The following MANEA variants were observed in gnomAD, a reference collection of about 807,000 sequenced individuals.
The protein encoded by MANEA is glycoprotein endo-alpha-1,2-mannosidase.
A neutral mutation model predicts 36.8 loss-of-function variants in MANEA; 25 were observed. The ratio of observed to expected loss-of-function variants is 0.68; its 90% CI spans 0.50 to 0.95. The LOEUF (loss-of-function observed/expected upper bound fraction) is 0.95, where lower values mean the gene tolerates loss of function less well. Ranked by LOEUF, MANEA falls within the 40% of genes least tolerant of loss-of-function variation. The pLI is 0.00. For missense variants in MANEA, 565 were observed against 558.8 expected, an observed-to-expected ratio of 1.01 and a Z score of -0.11; for synonymous variants, 198 against 188.5, an observed-to-expected ratio of 1.05 and a Z score of -0.41.
At chr6:95,598,448 T>C (rs1769524084) in intron 3 of MANEA, among the ~76,000 whole-genome samples, 1 of 152,150 alleles carries the variant, frequency 6.6e-6, no homozygotes, top group Admixed American at 6.5e-5. Flanking sequence ...CAGACCTCAG[T>C]TCTTTGCAGC....
rs774122740 is a variant in MANEA at position 95,604,917 on chromosome 6, A to G, written c.731+14A>G. 4.2e-6 allele frequency: 4 copies of G among 951,024 alleles called. No homozygotes were observed. The highest frequency in any genetic ancestry group is 5.5e-5 in the Admixed American group (2 of 36,068). 58.9% of individuals were successfully genotyped at this position (951,024 alleles called of 1,614,324 possible). ...TATTATAGACAAGTGAGTTTCTTCAATATTTATAAATATTGTTATATTATC... is the reference window on the plus strand; with the variant it reads ...TATTATAGACAAGTGAGTTTCTTCAGTATTTATAAATATTGTTATATTATC... On this transcript the variant is annotated intron_variant, in intron 4 of 4. Transcript: ENST00000358812.
Position 95,607,800 on chromosome 6 carries a change from T to C in MANEA, c.*1395T>C, listed in dbSNP as rs1441325752. 1 of 151,694 alleles carries C rather than the reference T, an allele frequency of 6.6e-6. No individual in the cohort carries two copies. The highest frequency in any genetic ancestry group is 1.5e-5 in the Non-Finnish European group (1 of 67,734). The allele number at this position is 151,694 out of a possible 1,614,324, so 9.4% of individuals were successfully genotyped here. On this transcript the variant is annotated 3_prime_UTR_variant, in exon 5 of 5. Coordinates refer to ENST00000358812, the MANE Select transcript of MANEA (RefSeq NM_024641.4). ...TATATATCCTATTACATAAATGTTA[T>C]TTCTTAGGTGTTCCATTAAGAAGAG...
At chr6:95,592,526 T>TA (rs1037420509) in intron 2 of MANEA, among the ~76,000 whole-genome samples, 1 of 152,196 alleles carries the variant, frequency 6.6e-6, no homozygotes, top group African/African-American at 2.4e-5. Context: ...AAAATTGTGT[T>TA]ACGTCTAGAA....
In MANEA at chr6:95,605,967, T is replaced by C; in HGVS notation, c.951T>C (p.Phe317=). 6.2e-7 allele frequency: 1 copy of C among 1,614,044 alleles called. No homozygotes were observed. Among genetic ancestry groups the C allele is most frequent in the Non-Finnish European group, 8.5e-7 (1 of 1,179,964 alleles). ...KHKYDILQSG[F]DGIYTYFATN... ...AGTATGATATTCTTCAAAGTGGTTT[T>C]GATGGAATTTACACATATTTTGCCA... Residue 317 remains phenylalanine, a synonymous_variant, in exon 5 of 5, where the codon TTT becomes TTC. Transcript: ENST00000358812.
At chr6:95,590,016 A>C (rs1358402110) in intron 2 of MANEA, 3 of 152,164 alleles carry the variant, frequency 2.0e-5, no homozygotes, top group African/African-American at 7.2e-5. Flanking sequence ...CAAGAAGTTC[A>C]TGAGCCAAAG....
intron 1 of MANEA, among the ~76,000 whole-genome samples, chr6:95,578,920 A>G (rs190456422): frequency 6.6e-6 from 1 of 152,222 alleles, no homozygotes; most frequent in Non-Finnish European, 1.5e-5. Context: ...AAAGGAAGGC[A>G]GAATAGCATG....
At chr6:95,583,526 C>T (rs559208335) in intron 1 of MANEA, among the ~76,000 whole-genome samples, 66 of 151,692 alleles carry the variant, frequency 4.4e-4, no homozygotes, top group South Asian at 1.0e-3. Context: ...ACATATATGA[C>T]GTATATATGT....
rs67335804 is a variant in MANEA at position 95,601,716 on chromosome 6, A to ATTTTTTTTTTTTT, written c.655-3095_655-3083dup. On this transcript the variant is annotated intron_variant, in intron 3 of 4. Transcript: ENST00000358812. Reference sequence around the variant, plus strand: ...AAAAGAAAATTAGGCAGATTCAGTGATTTTTTTTTTTTTTTTTTTTTTTTT... The same window carrying ATTTTTTTTTTTTT: ...AAAAGAAAATTAGGCAGATTCAGTGATTTTTTTTTTTTTTTTTTTTTTTTTTTTTTTTTTTTTT... Among the ~76,000 whole-genome samples the ATTTTTTTTTTTTT allele has an allele frequency of 1.1e-3, 72 of 64,988 alleles. 2 individuals carry two copies. The highest frequency in any genetic ancestry group is 1.3e-3 in the Non-Finnish European group (48 of 37,292). The allele number at this position is 64,988 out of a possible 152,430, so 42.6% of individuals were successfully genotyped here.
At chr6:95,584,316 AG>A (rs1769238557) in intron 1 of MANEA, among the ~76,000 whole-genome samples, 1 of 152,214 alleles carries the variant, frequency 6.6e-6, no homozygotes, top group Non-Finnish European at 1.5e-5. Flanking sequence ...ACGTGCAAGT[AG>A]GAGAGGTATC....
chr6:95,586,368 C>A, intron 1 of MANEA, 34 bp from the exon 2 acceptor site: 1 of 1,228,580 alleles, frequency 8.1e-7, no homozygotes, highest in Non-Finnish European at 1.1e-6. Context: ...CTGTTGATAA[C>A]ACTTACTAAT....
At chr6:95,600,135 GAGA>G (rs1185910890) in intron 3 of MANEA, among the ~76,000 whole-genome samples, 31 of 152,292 alleles carry the variant, frequency 2.0e-4, no homozygotes, top group African/African-American at 7.2e-4. Flanking sequence ...TGTCTGTGTA[GAGA>G]AGGAGAGTGT....
At chr6:95,581,159 G>C (rs556373452) in intron 1 of MANEA, among the ~76,000 whole-genome samples, 3 of 152,178 alleles carry the variant, frequency 2.0e-5, no homozygotes, top group Non-Finnish European at 2.9e-5. Context: ...TGGAATTTGA[G>C]CTCAAGCATT....
chr6:95,598,714 TGAA>T (rs1769531658), intron 3 of MANEA, among the ~76,000 whole-genome samples: 1 of 152,118 alleles, frequency 6.6e-6, no homozygotes, highest in Non-Finnish European at 1.5e-5. Context: ...GGGGCCATCT[TGAA>T]GAATGGCAAC....
At chr6:95,602,267 T>C (rs1769608219) in intron 3 of MANEA, among the ~76,000 whole-genome samples, 1 of 152,198 alleles carries the variant, frequency 6.6e-6, no homozygotes, top group African/African-American at 2.4e-5. Context: ...AAGGATGAAG[T>C]ATTATCTCTT....
chr6:95,598,151 A>T (rs1769515091), intron 3 of MANEA, among the ~76,000 whole-genome samples: 1 of 152,184 alleles, frequency 6.6e-6, no homozygotes, highest in African/African-American at 2.4e-5. Context: ...TGTCAGGTTT[A>T]CCTCTCAGTT....
chr6:95,593,608 A>T (rs1367546345), intron 2 of MANEA, among the ~76,000 whole-genome samples: 1 of 152,212 alleles, frequency 6.6e-6, no homozygotes, highest in South Asian at 2.1e-4. Flanking sequence ...AAACGTAGCT[A>T]GTTGAGTGTG....
chr6:95,599,193 T>G (rs1194314408), intron 3 of MANEA, among the ~76,000 whole-genome samples: 1 of 152,170 alleles, frequency 6.6e-6, no homozygotes, highest in Non-Finnish European at 1.5e-5. Flanking sequence ...AAATTCATTG[T>G]TAATGAAGTC....
At chr6:95,580,813 A>G (rs533146099) in intron 1 of MANEA, among the ~76,000 whole-genome samples, 5 of 151,984 alleles carry the variant, frequency 3.3e-5, no homozygotes, top group Non-Finnish European at 5.9e-5. Context: ...TTCACTGTGG[A>G]ATTAGGAGAG....
intron 2 of MANEA, among the ~76,000 whole-genome samples, chr6:95,591,026 A>G (rs1191494476): frequency 6.6e-6 from 1 of 152,220 alleles, no homozygotes; most frequent in African/African-American, 2.4e-5. Context: ...TAAGCAATAG[A>G]TAGACAAATA....
Sources: gnomAD v4.1 joint callset for allele counts (sites outside exome capture counted in the v4.1 genomes callset) on GRCh38, gnomAD v4.1.1 for gene constraint, MANE v1.5 for transcripts, NCBI Gene and HGNC (gene_info 2026-07-23, HGNC 2026-07-21) for gene names.